Variants in TXLNB observed in about 807,000 individuals in gnomAD.
TXLNB encodes beta-taxilin.
TXLNB carries 37 observed loss-of-function variants against 57.4 expected under a neutral mutation model. The ratio of observed to expected loss-of-function variants is 0.64; its 90% CI spans 0.50 to 0.85. The LOEUF (loss-of-function observed/expected upper bound fraction) is 0.85. Ranked by LOEUF, TXLNB falls within the 40% of genes least tolerant of loss-of-function variation. The probability of loss-of-function intolerance (pLI) is 0.00; values close to 1 mark genes in which losing one functional copy is unlikely to be tolerated. For synonymous variants in TXLNB, 302 were observed against 309.6 expected (o/e 0.98, Z 0.26); for missense variants, 848 against 825.6 (o/e 1.03, Z -0.33).
At chr6:139,255,541 A>C in intron 7 of TXLNB, 23 bp downstream of exon 7, 12 of 1,610,056 alleles carry the variant, frequency 7.5e-6, no homozygotes, top group Non-Finnish European at 1.0e-5. Flanking sequence ...CAGCACCCCC[A>C]TGCCTCGTCC....
At chr6:139,194,600 A>G in the TXLNB span, among the ~76,000 whole-genome samples, 1 of 152,010 alleles carries the variant, frequency 6.6e-6, no homozygotes. Flanking sequence ...ACCTCACACA[A>G]CTCAGCACTA....
the TXLNB span, among the ~76,000 whole-genome samples, chr6:139,228,302 G>C: frequency 3.3e-5 from 5 of 152,066 alleles, no homozygotes; most frequent in Non-Finnish European, 7.4e-5. Flanking sequence ...GATCACCTGA[G>C]TTCAGGCATT....
At chr6:139,315,094 C>T in the TXLNB span, among the ~76,000 whole-genome samples, 131 of 152,260 alleles carry the variant, frequency 8.6e-4, no homozygotes, top group Middle Eastern at 3.4e-3. Context: ...CTCCATGGAT[C>T]AGCCGGCACC....
the TXLNB span, among the ~76,000 whole-genome samples, chr6:139,319,324 T>C: frequency 1.3e-5 from 2 of 150,130 alleles, no homozygotes; most frequent in African/African-American, 4.9e-5. Context: ...GGTCTCAAAG[T>C]CCTGAGCTCA....
chr6:139,301,226 G>A, the TXLNB span, among the ~76,000 whole-genome samples: 1 of 152,092 alleles, frequency 6.6e-6, no homozygotes, highest in Non-Finnish European at 1.5e-5. Flanking sequence ...CAAACTCCTA[G>A]TTGTCTTTCT....
the TXLNB span, among the ~76,000 whole-genome samples, chr6:139,176,063 G>A: frequency 6.6e-6 from 1 of 152,196 alleles, no homozygotes; most frequent in Non-Finnish European, 1.5e-5. This position sits in a 1 kb window ranked among gnomAD's most constrained non-coding sequence, Gnocchi z 4.5. Flanking sequence ...GTGAAGACGG[G>A]TTTGCTCAGA....
the TXLNB span, among the ~76,000 whole-genome samples, chr6:139,160,608 TCTCA>T: frequency 1.3e-5 from 2 of 151,998 alleles, no homozygotes; most frequent in Non-Finnish European, 2.9e-5. Context: ...GGAGACGGAG[TCTCA>T]CTATGTTGTC....
the TXLNB span, among the ~76,000 whole-genome samples, chr6:139,312,056 G>A: frequency 6.6e-6 from 1 of 152,184 alleles, no homozygotes; most frequent in Non-Finnish European, 1.5e-5. Context: ...ACATACGAAT[G>A]TTGGAGGTAC....
intron 8 of TXLNB, 32 bp from the exon 9 acceptor site, chr6:139,244,722 T>C (rs1345521422): frequency 6.6e-7 from 1 of 1,506,568 alleles, no homozygotes; most frequent in Admixed American, 1.7e-5. Context: ...TGTGTTAATC[T>C]TGAAAAGTTA....
chr6:139,311,860 G>C, the TXLNB span, among the ~76,000 whole-genome samples: 3 of 152,202 alleles, frequency 2.0e-5, no homozygotes, highest in East Asian at 5.8e-4. Flanking sequence ...CCGAGAGCAG[G>C]GGGGCTAGGA....
chr6:139,277,607 C>T (rs1021966781), intron 2 of TXLNB, among the ~76,000 whole-genome samples: 3 of 152,156 alleles, frequency 2.0e-5, no homozygotes, highest in Non-Finnish European at 2.9e-5. Flanking sequence ...TTTCCACAAG[C>T]CTTTTTCTGT....
chr6:139,238,928 A>C (rs1582982905), downstream of TXLNB, among the ~76,000 whole-genome samples: 1 of 152,232 alleles, frequency 6.6e-6, no homozygotes, highest in Non-Finnish European at 1.5e-5. Flanking sequence ...TCCTGAAACC[A>C]TCTGCCTCTC....
chr6:139,242,980 G>T lies in TXLNB; in HGVS notation c.1601C>A (p.Ala534Asp), dbSNP rs61754935. The T allele has an allele frequency of 8.1e-6, 13 of 1,614,140 alleles. No homozygotes were observed. In the Middle Eastern group the frequency reaches 6.6e-4, roughly 82 times the overall value. Residue 534 changes from alanine (A) to aspartate (D), a missense_variant, in exon 10 of 10, where the codon GCT becomes GAT. Transcript: ENST00000358430. ...CTCTGGCTCCTTGAGAGCGGCGTCA[G>T]CACTCTCCTGAGAACTGCCTATTTC... ...QPEIGSSQES[A>D]DAALKEPEQP...
intron 8 of TXLNB, among the ~76,000 whole-genome samples, chr6:139,245,014 A>G (rs1254782703): frequency 6.6e-6 from 1 of 152,176 alleles, no homozygotes; most frequent in Non-Finnish European, 1.5e-5. Flanking sequence ...GTAATTTAGG[A>G]TATTTACTGT....
At chr6:139,170,669 G>A in the TXLNB span, 4,568 of 152,314 alleles carry the variant, frequency 0.03, 74 homozygotes, top group Non-Finnish European at 0.039. Context: ...GAGTGGGAAA[G>A]GAGTAGGATA....
the TXLNB span, among the ~76,000 whole-genome samples, chr6:139,300,113 A>G: frequency 1.3e-5 from 2 of 152,062 alleles, no homozygotes; most frequent in Admixed American, 6.6e-5. Flanking sequence ...TCCCCTGCTG[A>G]TCACAAAGCA....
upstream of TXLNB, among the ~76,000 whole-genome samples, chr6:139,296,995 T>C (rs190633885): frequency 6.6e-5 from 10 of 152,190 alleles, no homozygotes; most frequent in East Asian, 1.2e-3. Flanking sequence ...ACTTGCAGAG[T>C]ATTAACCTCA....
intron 2 of TXLNB, 174 bp from the exon 3 acceptor site, chr6:139,277,095 CA>C: frequency 1.8e-6 from 1 of 547,542 alleles, no homozygotes; most frequent in Admixed American, 3.7e-5. Flanking sequence ...ACAGAGTGAA[CA>C]TTAGTTGGGA....
chr6:139,277,669 C>A (rs1202251704), intron 2 of TXLNB, among the ~76,000 whole-genome samples: 1 of 152,080 alleles, frequency 6.6e-6, no homozygotes, highest in African/African-American at 2.4e-5. Context: ...CCCACCTAGG[C>A]CTTAATATCC....
Sources: allele counts gnomAD v4.1 joint callset (sites outside exome capture counted in the v4.1 genomes callset), GRCh38; gene constraint gnomAD v4.1.1; non-coding constraint Gnocchi (gnomAD v3.1); transcripts MANE v1.5; gene names NCBI Gene and HGNC (gene_info 2026-07-23, HGNC 2026-07-21).